ZMYM2: variants seen among roughly 807,000 people sequenced by gnomAD.
ZMYM2 encodes zinc finger MYM-type protein 2.
Under a neutral mutation model 162.8 loss-of-function variants are expected in ZMYM2, and 56 were observed. The observed-to-expected ratio is 0.34, with a 90% CI of 0.28 to 0.43. The LOEUF (loss-of-function observed/expected upper bound fraction) is 0.43. Ranked by LOEUF, ZMYM2 falls within the 20% of genes least tolerant of loss-of-function variation. The probability of loss-of-function intolerance (pLI) is 1.00; values close to 1 mark genes in which losing one functional copy is unlikely to be tolerated. For missense variants in ZMYM2, 1,275 were observed against 1,621.8 expected (o/e 0.79, Z 3.67); for synonymous variants, 510 against 541.6 (o/e 0.94, Z 0.81).
chr13:19,870,521 CTCTCTTTCTTTCTT>C, the ZMYM2 span, among the ~76,000 whole-genome samples: 2 of 47,242 alleles, frequency 4.2e-5, no homozygotes, highest in Non-Finnish European at 6.1e-5. Flanking sequence ...CTCCCTCTTT[CTCTCTTTCTTTCTT>C]TCTCTTTCTT....
At chr13:20,075,177 A>G (rs932602092) in intron 21 of ZMYM2, among the ~76,000 whole-genome samples, 1 of 152,226 alleles carries the variant, frequency 6.6e-6, no homozygotes, top group East Asian at 1.9e-4. Flanking sequence ...AAAAGTGTGC[A>G]TATTTTTCTG....
At chr13:20,007,496 A>G (rs1302298113) in intron 6 of ZMYM2, among the ~76,000 whole-genome samples, 1 of 152,114 alleles carries the variant, frequency 6.6e-6, no homozygotes, top group African/African-American at 2.4e-5. Context: ...CTCATTGGAA[A>G]GGTAGTCTGT....
At chr13:20,061,792 T>G (rs996956365) in intron 17 of ZMYM2, among the ~76,000 whole-genome samples, 1 of 152,154 alleles carries the variant, frequency 6.6e-6, no homozygotes, top group Non-Finnish European at 1.5e-5. Flanking sequence ...CTTCCCTATG[T>G]TGGCCAGGCT....
intron 2 of ZMYM2, among the ~76,000 whole-genome samples, chr13:19,983,301 T>C (rs980381547): frequency 1.3e-5 from 2 of 152,082 alleles, no homozygotes; most frequent in African/African-American, 2.4e-5. Flanking sequence ...TGTGCCATCA[T>C]GGCACGGCTA....
rs1341252233 is a variant in ZMYM2, at chr13:19,993,066, C to T, written c.-7C>T. On this transcript the variant is annotated 5_prime_UTR_variant, in exon 3 of 25. Coordinates refer to ENST00000610343, the MANE Select transcript of ZMYM2 (RefSeq NM_197968.4). ...CTTTTTTCTATCTTCCTAACAGGTTCTTTGGCATGGACACAAGTTCAGTGG... is the reference window on the plus strand; with the variant it reads ...CTTTTTTCTATCTTCCTAACAGGTTTTTTGGCATGGACACAAGTTCAGTGG... 6.3e-7 allele frequency: 1 copy of T among 1,583,264 alleles called. No individual in the cohort carries two copies. Among genetic ancestry groups the T allele is most frequent in the Non-Finnish European group, 8.6e-7 (1 of 1,167,340 alleles).
chr13:20,073,256 G>GTA (rs1033964634), intron 21 of ZMYM2, among the ~76,000 whole-genome samples: 7 of 152,056 alleles, frequency 4.6e-5, no homozygotes, highest in African/African-American at 1.4e-4. Context: ...CAACTTTTTC[G>GTA]TAAAGGGCAA....
intron 2 of ZMYM2, among the ~76,000 whole-genome samples, chr13:19,973,499 C>T (rs1277155020): frequency 2.6e-5 from 4 of 151,448 alleles, no homozygotes; most frequent in Admixed American, 6.6e-5. Context: ...GGTGAAACCC[C>T]GTTTCTACTG....
chr13:19,992,071 G>A (rs1376780171), intron 2 of ZMYM2, among the ~76,000 whole-genome samples: 1 of 152,188 alleles, frequency 6.6e-6, no homozygotes, highest in African/African-American at 2.4e-5. Flanking sequence ...GTAGGTTCCA[G>A]GAATGGGGAC....
chr13:20,083,550 C>T (rs1958044922), intron 23 of ZMYM2, 106 bp from the exon 24 acceptor site: 1 of 873,578 alleles, frequency 1.1e-6, no homozygotes, highest in African/African-American at 1.7e-5. Flanking sequence ...CTTAAAACTC[C>T]AAGGGGCACC....
At chr13:19,936,430 G>T in the ZMYM2 span, among the ~76,000 whole-genome samples, 1 of 152,024 alleles carries the variant, frequency 6.6e-6, no homozygotes, top group Admixed American at 6.6e-5. Flanking sequence ...TTTTTCAAAA[G>T]AAGAGAACAG....
intron 7 of ZMYM2, among the ~76,000 whole-genome samples, chr13:20,022,844 G>T (rs957936277): frequency 7.2e-5 from 11 of 152,020 alleles, no homozygotes; most frequent in Non-Finnish European, 1.5e-4. Context: ...CTATTTCAGT[G>T]CTTTGGATTC....
At chr13:19,885,201 G>T in the ZMYM2 span, among the ~76,000 whole-genome samples, 1 of 152,162 alleles carries the variant, frequency 6.6e-6, no homozygotes, top group Non-Finnish European at 1.5e-5. Context: ...TGCAGCCCAG[G>T]AGGTCCAGGC....
At chr13:19,942,475 G>A in the ZMYM2 span, among the ~76,000 whole-genome samples, 1 of 151,572 alleles carries the variant, frequency 6.6e-6, no homozygotes, top group African/African-American at 2.4e-5. Context: ...TACTGATGTG[G>A]GAGGATTGCT....
At chr13:20,031,876 T>TG (rs1953184908) in intron 10 of ZMYM2, among the ~76,000 whole-genome samples, 1 of 148,444 alleles carries the variant, frequency 6.7e-6, no homozygotes, top group Non-Finnish European at 1.5e-5. Context: ...TTTTTTTTTT[T>TG]TTTTTTCTTT....
upstream of ZMYM2, chr13:19,958,712 C>T (rs563559151): frequency 9.4e-4 from 145 of 154,378 alleles, no homozygotes; most frequent in Admixed American, 2.2e-3. Context: ...GCCGCGCCGC[C>T]GCCTCCTCCG....
chr13:19,897,798 C>T, the ZMYM2 span, among the ~76,000 whole-genome samples: 1 of 151,956 alleles, frequency 6.6e-6, no homozygotes. Context: ...AACTTACCAA[C>T]AAAATTATAC....
chr13:20,062,803 G>A, intron 17 of ZMYM2, 43 bp from the exon 18 acceptor site: 1 of 1,495,116 alleles, frequency 6.7e-7, no homozygotes, highest in Non-Finnish European at 9.0e-7. Flanking sequence ...TACCATTGGG[G>A]TTTTCTGTTT....
the ZMYM2 span, among the ~76,000 whole-genome samples, chr13:19,877,948 A>T: frequency 6.6e-6 from 1 of 152,080 alleles, no homozygotes; most frequent in African/African-American, 2.4e-5. Context: ...TACATTTTAA[A>T]TTTTTGGCTG....
At chr13:19,938,425 G>A in the ZMYM2 span, among the ~76,000 whole-genome samples, 1 of 152,166 alleles carries the variant, frequency 6.6e-6, no homozygotes, top group African/African-American at 2.4e-5. Flanking sequence ...TTGAACCTGG[G>A]AGGCCAACGT....
Sources: gnomAD v4.1 joint callset for allele counts (sites outside exome capture counted in the v4.1 genomes callset) on GRCh38, gnomAD v4.1.1 for gene constraint, MANE v1.5 for transcripts, NCBI Gene and HGNC (gene_info 2026-07-23, HGNC 2026-07-21) for gene names.